The following FBXL20 variants were observed in gnomAD, a reference collection of about 807,000 sequenced individuals.
FBXL20 encodes the protein F-box/LRR-repeat protein 20.
FBXL20 carries 11 observed loss-of-function variants against 64.0 expected under a neutral mutation model. The observed-to-expected ratio is 0.17, with a 90% CI of 0.11 to 0.28. The LOEUF is 0.28. Ranked by LOEUF, FBXL20 falls within the 10% of genes least tolerant of loss-of-function variation. The pLI, the probability that FBXL20 is intolerant of heterozygous loss-of-function variation, is 1.00. For synonymous variants in FBXL20, 184 were observed against 189.0 expected, an observed-to-expected ratio of 0.97 and a Z score of 0.22; for missense variants, 303 against 526.2, an observed-to-expected ratio of 0.58 and a Z score of 4.15.
At chr17:39,349,126 C>T (rs955330981) in intron 1 of FBXL20, among the ~76,000 whole-genome samples, 1 of 151,832 alleles carries the variant, frequency 6.6e-6, no homozygotes, top group Non-Finnish European at 1.5e-5. Context: ...GTGGCAGGCA[C>T]CTGTAATCCC....
intron 1 of FBXL20, among the ~76,000 whole-genome samples, 189 bp from the exon 2 acceptor site, chr17:39,343,430 T>G (rs2047601697): frequency 6.6e-6 from 1 of 152,142 alleles, no homozygotes; most frequent in Non-Finnish European, 1.5e-5. Context: ...TCATTCCCTG[T>G]CTCCAAAGAA....
chr17:39,389,104 CAAAAAAAAA>C (rs752930971), intron 1 of FBXL20, among the ~76,000 whole-genome samples: 12 of 52,706 alleles, frequency 2.3e-4, no homozygotes, highest in African/African-American at 5.7e-4. Context: ...AACTCCATCT[CAAAAAAAAA>C]AAAAAAAAAA....
chr17:39,387,828 T>C lies in FBXL20; in HGVS notation c.42+13533A>G, dbSNP rs575211837. On this transcript the variant is annotated intron_variant, in intron 1 of 14. Coordinates refer to ENST00000264658, the MANE Select transcript of FBXL20 (RefSeq NM_032875.3). Reference sequence around the variant, plus strand: ...CCTGGGCTCAAGCGATCCTCCCACCTTGGTCTCGCAAAGTGCTGGGGTTAC... The same window carrying C: ...CCTGGGCTCAAGCGATCCTCCCACCCTGGTCTCGCAAAGTGCTGGGGTTAC... 1.4e-4 allele frequency among the ~76,000 whole-genome samples: 22 copies of C among 152,224 alleles called. No individual in the cohort carries two copies. The South Asian group carries it at 4.2e-3, about 29-fold the overall frequency.
At chr17:39,392,438 C>CAAAA in intron 1 of FBXL20, among the ~76,000 whole-genome samples, 1 of 104,012 alleles carries the variant, frequency 9.6e-6, no homozygotes, top group South Asian at 4.0e-4. Flanking sequence ...AGATTGTCTC[C>CAAAA]AAAAAAAAAA....
chr17:39,269,499 CT>C (rs1024012415), intron 11 of FBXL20, among the ~76,000 whole-genome samples: 1,581 of 116,706 alleles, frequency 0.014, 22 homozygotes, highest in African/African-American at 0.045. Flanking sequence ...GGCCTTTCCT[CT>C]TTTTTTTTTT....
intron 1 of FBXL20, among the ~76,000 whole-genome samples, chr17:39,363,520 G>A (rs1447604936): frequency 6.6e-6 from 1 of 151,224 alleles, no homozygotes; most frequent in Non-Finnish European, 1.5e-5. Flanking sequence ...TATACAAACA[G>A]ATAAATAATG....
At chr17:39,337,038 C>A (rs1361637242) in intron 2 of FBXL20, among the ~76,000 whole-genome samples, 1 of 151,012 alleles carries the variant, frequency 6.6e-6, no homozygotes. Flanking sequence ...GATGCTGAGC[C>A]GAAGCTGGAC....
intron 1 of FBXL20, among the ~76,000 whole-genome samples, chr17:39,400,862 C>G (rs936350874): frequency 2.0e-5 from 3 of 152,158 alleles, no homozygotes; most frequent in African/African-American, 7.2e-5. Flanking sequence ...CACCGAAAAC[C>G]CGTGGTAGCC....
chr17:39,344,549 G>A (rs1414794635), intron 1 of FBXL20, among the ~76,000 whole-genome samples: 1 of 151,962 alleles, frequency 6.6e-6, no homozygotes, highest in Admixed American at 6.6e-5. Flanking sequence ...ACTTTGGCAG[G>A]CTGAGGTGGG....
upstream of FBXL20, chr17:39,402,456 C>A (rs1481761853): frequency 8.6e-6 from 3 of 349,710 alleles, no homozygotes; most frequent in Non-Finnish European, 1.5e-5. Context: ...CCGGGGATGG[C>A]TGCGGAGCTG....
chr17:39,303,316 A>G (rs1399941754), intron 3 of FBXL20, among the ~76,000 whole-genome samples: 1 of 152,144 alleles, frequency 6.6e-6, no homozygotes, highest in Non-Finnish European at 1.5e-5. Context: ...TCAAGTCTAA[A>G]CTTTTAATAT....
intron 1 of FBXL20, among the ~76,000 whole-genome samples, chr17:39,377,793 G>A (rs1214582528): frequency 4.6e-5 from 7 of 152,118 alleles, no homozygotes; most frequent in Non-Finnish European, 7.4e-5. Context: ...GTAAGCCACC[G>A]TGCCCAGCCT....
intron 4 of FBXL20, 62 bp downstream of exon 4, chr17:39,300,939 T>C: frequency 6.8e-7 from 1 of 1,467,124 alleles, no homozygotes; most frequent in South Asian, 1.2e-5. Context: ...TGGCTAGGGC[T>C]AATCTGTTCC....
chr17:39,361,422 T>G (rs1402087830), intron 1 of FBXL20, among the ~76,000 whole-genome samples: 3 of 152,306 alleles, frequency 2.0e-5, no homozygotes, highest in Admixed American at 1.3e-4. Flanking sequence ...CTGAGAATAT[T>G]GAGAGCCTAG....
At chr17:39,287,251 A>G (rs1197966196) in intron 6 of FBXL20, among the ~76,000 whole-genome samples, 1 of 152,034 alleles carries the variant, frequency 6.6e-6, no homozygotes, top group Non-Finnish European at 1.5e-5. Context: ...TAATTTATTA[A>G]TATCATCTGA....
At chr17:39,377,649 C>CA (rs2047980787) in intron 1 of FBXL20, among the ~76,000 whole-genome samples, 1 of 152,042 alleles carries the variant, frequency 6.6e-6, no homozygotes, top group Admixed American at 6.6e-5. Context: ...TACAGGCGCC[C>CA]ACTACCACGC....
At chr17:39,315,829 CAGAGAGAGAGAGAGAGAG>C (rs141728220) in intron 2 of FBXL20, among the ~76,000 whole-genome samples, 29,406 of 129,794 alleles carry the variant, frequency 0.23, 3,571 homozygotes, top group African/African-American at 0.36. Context: ...GAGAGAGAGA[CAGAGAGAGAGAGAGAGAG>C]AGAGAGAGAG....
chr17:39,278,306 T>TA (rs1262670853), intron 9 of FBXL20, among the ~76,000 whole-genome samples: 17 of 151,154 alleles, frequency 1.1e-4, no homozygotes, highest in Admixed American at 1.1e-3. Flanking sequence ...CCACCACACT[T>TA]AGATGGTTTT....
At chr17:39,335,560 G>A (rs1462463840) in intron 2 of FBXL20, among the ~76,000 whole-genome samples, 2 of 134,956 alleles carry the variant, frequency 1.5e-5, no homozygotes, top group East Asian at 4.4e-4. Flanking sequence ...TCCAGCCTGG[G>A]CAACAGAGTG....
Sources: gnomAD v4.1 joint callset for allele counts (sites outside exome capture counted in the v4.1 genomes callset) on GRCh38, gnomAD v4.1.1 for gene constraint, MANE v1.5 for transcripts, NCBI Gene and HGNC (gene_info 2026-07-23, HGNC 2026-07-21) for gene names.